The following SLC35F4 variants were observed in gnomAD, a reference collection of about 807,000 sequenced individuals.
SLC35F4 encodes the protein solute carrier family 35 member F4, also known as chromosome 14 open reading frame 36.
A neutral mutation model predicts 44.2 loss-of-function variants in SLC35F4; 24 were observed. The observed-to-expected ratio is 0.54, with a 90% CI of 0.39 to 0.76. The LOEUF is 0.76. Ranked by LOEUF, SLC35F4 falls within the 30% of genes least tolerant of loss-of-function variation. The pLI is 0.00. For missense variants in SLC35F4, 562 were observed against 586.1 expected (o/e 0.96, Z 0.42); for synonymous variants, 238 against 223.6 (o/e 1.06, Z -0.57).
At chr14:57,832,191 C>T (rs58031219) in intron 1 of SLC35F4, among the ~76,000 whole-genome samples, 5,829 of 151,746 alleles carry the variant, frequency 0.038, 256 homozygotes, top group African/African-American at 0.11. Context: ...CCCTCCCTCC[C>T]GGCCCACCCC....
chr14:57,613,711 A>G (rs1250047513), intron 1 of SLC35F4, among the ~76,000 whole-genome samples: 1 of 152,198 alleles, frequency 6.6e-6, no homozygotes, highest in African/African-American at 2.4e-5. Context: ...GAGCATAATT[A>G]TTGCACCACA....
At chr14:57,590,755 C>G (rs1035432710) in intron 2 of SLC35F4, among the ~76,000 whole-genome samples, 10 of 152,174 alleles carry the variant, frequency 6.6e-5, no homozygotes, top group African/African-American at 2.2e-4. Context: ...AAAGACCCCA[C>G]TTAAGCACAA....
chr14:57,748,984 C>G (rs1178279297), intron 1 of SLC35F4, among the ~76,000 whole-genome samples: 1 of 152,090 alleles, frequency 6.6e-6, no homozygotes, highest in African/African-American at 2.4e-5. Flanking sequence ...TGTTGTGGGT[C>G]TGAAGGTTCA....
At chr14:57,909,145 G>A (rs955189617) in intron 1 of SLC35F4, among the ~76,000 whole-genome samples, 5 of 151,814 alleles carry the variant, frequency 3.3e-5, no homozygotes, top group African/African-American at 1.2e-4. Context: ...AACAGTTTTG[G>A]GTATGCAGCA....
intron 1 of SLC35F4, among the ~76,000 whole-genome samples, chr14:57,624,794 G>A (rs2072389034): frequency 6.6e-6 from 1 of 152,044 alleles, no homozygotes; most frequent in Non-Finnish European, 1.5e-5. Flanking sequence ...AGGTATTGAT[G>A]GACCATATCT....
intron 5 of SLC35F4, among the ~76,000 whole-genome samples, chr14:57,570,313 G>A (rs1048184259): frequency 6.6e-6 from 1 of 152,154 alleles, no homozygotes; most frequent in African/African-American, 2.4e-5. Flanking sequence ...TTCTAGGATT[G>A]ACTGGCCATT....
intron 1 of SLC35F4, among the ~76,000 whole-genome samples, chr14:57,886,555 A>C (rs1888650684): frequency 6.6e-6 from 1 of 152,198 alleles, no homozygotes; most frequent in Non-Finnish European, 1.5e-5. Flanking sequence ...CATAGAAAGA[A>C]AGAGGAATTA....
At chr14:57,625,231 A>T (rs148660230) in intron 1 of SLC35F4, among the ~76,000 whole-genome samples, 1 of 152,320 alleles carries the variant, frequency 6.6e-6, no homozygotes, top group Non-Finnish European at 1.5e-5. Flanking sequence ...ATACATAGGA[A>T]TATCACTTAC....
chr14:57,718,371 T>C (rs370369592), intron 1 of SLC35F4, among the ~76,000 whole-genome samples: 5 of 152,174 alleles, frequency 3.3e-5, no homozygotes, highest in Admixed American at 6.5e-5. Flanking sequence ...AGCAGTGAGA[T>C]TGCTGAATTG....
intron 1 of SLC35F4, among the ~76,000 whole-genome samples, chr14:57,908,605 A>G (rs1889154795): frequency 6.6e-6 from 1 of 152,168 alleles, no homozygotes; most frequent in African/African-American, 2.4e-5. Flanking sequence ...GTGCCTGTTC[A>G]TATCCTTTGC....
At chr14:57,622,132 A>C (rs10132323) in intron 1 of SLC35F4, among the ~76,000 whole-genome samples, 38,948 of 76,554 alleles carry the variant, frequency 0.51, 12,024 homozygotes, top group Non-Finnish European at 0.65. Context: ...CATCTCACAC[A>C]AGTTAGAATG....
intron 4 of SLC35F4, among the ~76,000 whole-genome samples, chr14:57,573,761 A>C (rs2068639030): frequency 6.6e-6 from 1 of 152,198 alleles, no homozygotes. Context: ...TTTGTGTTTA[A>C]ATGATGTTCA....
At chr14:57,720,098 T>G (rs1400785986) in intron 1 of SLC35F4, among the ~76,000 whole-genome samples, 1 of 152,226 alleles carries the variant, frequency 6.6e-6, no homozygotes, top group Non-Finnish European at 1.5e-5. Context: ...TCTGTTGATA[T>G]GATGTATCAC....
chr14:57,889,449 G>C (rs1481149440), intron 1 of SLC35F4, among the ~76,000 whole-genome samples: 4 of 152,258 alleles, frequency 2.6e-5, no homozygotes, highest in Non-Finnish European at 5.9e-5. Flanking sequence ...TTGGCCTGCA[G>C]CCATCACTAC....
chr14:57,797,593 T>C (rs2078083909), intron 1 of SLC35F4, among the ~76,000 whole-genome samples: 1 of 152,148 alleles, frequency 6.6e-6, no homozygotes, highest in Non-Finnish European at 1.5e-5. Context: ...AAAAGTAGCT[T>C]AGGAGTATTC....
chr14:57,821,814 T>C (rs1445610416), intron 1 of SLC35F4, among the ~76,000 whole-genome samples: 5 of 152,182 alleles, frequency 3.3e-5, no homozygotes, highest in African/African-American at 9.7e-5. Flanking sequence ...TTATCACTAA[T>C]AAATATGCTA....
chr14:57,782,545 G>A (rs2077649335), intron 1 of SLC35F4, among the ~76,000 whole-genome samples: 1 of 152,124 alleles, frequency 6.6e-6, no homozygotes. Context: ...TTGCAGTTAA[G>A]AGCATGTAAA....
intron 1 of SLC35F4, among the ~76,000 whole-genome samples, chr14:57,693,147 G>A (rs2075282001): frequency 6.6e-6 from 1 of 152,290 alleles, no homozygotes; most frequent in East Asian, 1.9e-4. Flanking sequence ...CAGTTCTACA[G>A]TACTTTCTTT....
upstream of SLC35F4, among the ~76,000 whole-genome samples, chr14:57,866,275 G>T (rs1455757072): frequency 4.6e-5 from 7 of 152,182 alleles, no homozygotes; most frequent in Admixed American, 3.9e-4. Flanking sequence ...GTGGCCAGGG[G>T]CTCAGAGAAG....
Sources: gnomAD v4.1 joint callset for allele counts (sites outside exome capture counted in the v4.1 genomes callset) on GRCh38, gnomAD v4.1.1 for gene constraint, MANE v1.5 for transcripts, NCBI Gene and HGNC (gene_info 2026-07-23, HGNC 2026-07-21) for gene names.